The following PALM2AKAP2 variants were observed in gnomAD, a reference collection of about 807,000 sequenced individuals.
PALM2AKAP2 encodes the protein PALM2-AKAP2 fusion protein.
A neutral mutation model predicts 71.5 loss-of-function variants in PALM2AKAP2; 37 were observed. The ratio of observed to expected loss-of-function variants is 0.52; its 90% confidence interval spans 0.40 to 0.68. The LOEUF is 0.68. PALM2AKAP2 is among the 30% of genes least tolerant of loss of function. The probability of loss-of-function intolerance (pLI) is 0.00; values close to 1 mark genes in which losing one functional copy is unlikely to be tolerated. For missense variants in PALM2AKAP2, 1,224 were observed against 1,191.8 expected (o/e 1.03, Z -0.40); for synonymous variants, 468 against 478.8 (o/e 0.98, Z 0.29).
intron 1 of PALM2AKAP2, among the ~76,000 whole-genome samples, chr9:109,819,595 C>G (rs7046191): frequency 2.0e-5 from 3 of 151,846 alleles, no homozygotes; most frequent in East Asian, 3.9e-4. Context: ...GCACAGGATG[C>G]AAGACAACAC....
At chr9:109,645,718 A>G (rs189024161) in intron 1 of PALM2AKAP2, among the ~76,000 whole-genome samples, 12 of 149,664 alleles carry the variant, frequency 8.0e-5, no homozygotes, top group African/African-American at 3.0e-4. Flanking sequence ...ACATGGACAT[A>G]AAGATGAAAA....
chr9:110,111,063 C>CT (rs1366733884), intron 1 of PALM2AKAP2, among the ~76,000 whole-genome samples: 1 of 140,192 alleles, frequency 7.1e-6, no homozygotes, highest in Non-Finnish European at 1.6e-5. Flanking sequence ...TTTTTTTTTC[C>CT]TTTTTTCTTT....
intron 3 of PALM2AKAP2, among the ~76,000 whole-genome samples, chr9:109,904,671 G>C (rs1337380100): frequency 6.6e-6 from 1 of 152,208 alleles, no homozygotes; most frequent in Admixed American, 6.5e-5. Flanking sequence ...GACAACTTCA[G>C]GGGTGGGACC....
chr9:109,820,295 G>A (rs964566534), intron 1 of PALM2AKAP2, among the ~76,000 whole-genome samples: 4 of 152,142 alleles, frequency 2.6e-5, no homozygotes, highest in South Asian at 2.1e-4. Flanking sequence ...CCTCAGTCTC[G>A]TTGCACATTT....
At chr9:109,944,536 C>T (rs2132051836) in intron 6 of PALM2AKAP2, 1 of 151,932 alleles carries the variant, frequency 6.6e-6, no homozygotes, top group East Asian at 1.9e-4. Flanking sequence ...TTTTAGGTAA[C>T]TTCAACTTGT....
intron 1 of PALM2AKAP2, among the ~76,000 whole-genome samples, chr9:110,128,261 A>G (rs964628381): frequency 5.3e-5 from 8 of 152,210 alleles, no homozygotes; most frequent in African/African-American, 1.9e-4. Context: ...CTTAGCCAGA[A>G]AGTTAAAAAT....
chr9:110,019,545 C>A (rs10816919), intron 7 of PALM2AKAP2, among the ~76,000 whole-genome samples: 2 of 152,166 alleles, frequency 1.3e-5, no homozygotes, highest in Middle Eastern at 3.4e-3. Context: ...TGAAATTAAC[C>A]TAAGTGTTCA....
At chr9:109,777,741 T>C (rs1406983916), upstream of PALM2AKAP2, among the ~76,000 whole-genome samples, 1 of 152,188 alleles carries the variant, frequency 6.6e-6, no homozygotes, top group Non-Finnish European at 1.5e-5. Flanking sequence ...TATGACCCTG[T>C]TGAAAACCTC....
At chr9:109,686,710 G>C (rs1214027498) in intron 1 of PALM2AKAP2, among the ~76,000 whole-genome samples, 1 of 151,400 alleles carries the variant, frequency 6.6e-6, no homozygotes, top group Non-Finnish European at 1.5e-5. Context: ...AAGTTTTAGG[G>C]TACATGTACA....
At position 109,953,721 on chromosome 9, in the gene PALM2AKAP2, G is replaced by A. The variant is rs943074972; in HGVS notation, c.496+21693G>A. ...TTGGTGGCACGTGCCTGTAATCCCC[G>A]CTACTCAGGAGGCTGAGGCCGGAGA... On this transcript the variant is annotated intron_variant, in intron 6 of 9. Coordinates refer to the PALM2AKAP2 transcript ENST00000302798. Among the ~76,000 whole-genome samples the A allele has an allele frequency of 2.6e-4, 39 of 151,400 alleles. 1 individual carries two copies. Among genetic ancestry groups the A allele is most frequent in the Admixed American group, 2.4e-3 (36 of 15,166 alleles).
At chr9:109,876,139 G>GT (rs950302253) in intron 2 of PALM2AKAP2, among the ~76,000 whole-genome samples, 5 of 152,000 alleles carry the variant, frequency 3.3e-5, no homozygotes, top group South Asian at 2.1e-4. Flanking sequence ...ACAGAGAAAA[G>GT]TTTTTTTTAA....
intron 6 of PALM2AKAP2, among the ~76,000 whole-genome samples, chr9:110,004,737 C>A (rs997109938): frequency 6.6e-6 from 1 of 152,096 alleles, no homozygotes; most frequent in African/African-American, 2.4e-5. Context: ...ACTTTTTATT[C>A]TTTTTTCTCT....
chr9:109,715,916 G>A (rs144038130), intron 1 of PALM2AKAP2, among the ~76,000 whole-genome samples: 63 of 152,150 alleles, frequency 4.1e-4, no homozygotes, highest in African/African-American at 1.3e-3. Context: ...TGTGGTGCCC[G>A]TGTGATTTTG....
chr9:109,790,699 G>A (rs755740879), intron 1 of PALM2AKAP2, among the ~76,000 whole-genome samples: 8 of 152,186 alleles, frequency 5.3e-5, no homozygotes, highest in Non-Finnish European at 7.3e-5. Flanking sequence ...CACCTGATTG[G>A]CCTTAAACAC....
At chr9:109,818,376 G>T (rs1827904148) in intron 1 of PALM2AKAP2, among the ~76,000 whole-genome samples, 1 of 152,174 alleles carries the variant, frequency 6.6e-6, no homozygotes, top group African/African-American at 2.4e-5. Flanking sequence ...TTGAGTGGAA[G>T]AAGAGGGATT....
intron 1 of PALM2AKAP2, among the ~76,000 whole-genome samples, chr9:109,705,071 G>C (rs1477780567): frequency 6.6e-6 from 1 of 152,158 alleles, no homozygotes; most frequent in Non-Finnish European, 1.5e-5. Context: ...TTATGAGCAT[G>C]AAAAGATGTC....
chr9:109,756,958 C>T (rs1176253963), intron 1 of PALM2AKAP2, among the ~76,000 whole-genome samples: 1 of 152,066 alleles, frequency 6.6e-6, no homozygotes, highest in Non-Finnish European at 1.5e-5. Flanking sequence ...TTTATAGTTT[C>T]TATGTTTTGG....
chr9:109,685,403 C>A (rs1219839959), intron 1 of PALM2AKAP2, among the ~76,000 whole-genome samples: 2 of 152,060 alleles, frequency 1.3e-5, no homozygotes, highest in African/African-American at 2.4e-5. Context: ...CAGTTCCAGA[C>A]CACCACGATA....
chr9:109,848,253 TC>T (rs1408702971), intron 1 of PALM2AKAP2, among the ~76,000 whole-genome samples: 1 of 152,162 alleles, frequency 6.6e-6, no homozygotes, highest in Non-Finnish European at 1.5e-5. Flanking sequence ...CACACTGAAG[TC>T]CCAGTGTGTC....
Sources: allele counts gnomAD v4.1 joint callset (sites outside exome capture counted in the v4.1 genomes callset), GRCh38; gene constraint gnomAD v4.1.1; transcripts MANE v1.5; gene names NCBI Gene and HGNC (gene_info 2026-07-23, HGNC 2026-07-21).